Variants in RBFOX1 observed in about 807,000 individuals in gnomAD.
RBFOX1 encodes RNA binding protein fox-1 homolog 1.
A neutral mutation model predicts 57.7 loss-of-function variants in RBFOX1; 8 were observed. The observed-to-expected ratio is 0.14, with a 90% CI of 0.08 to 0.25. The LOEUF is 0.25. Ranked by LOEUF, RBFOX1 falls within the 10% of genes least tolerant of loss-of-function variation. The pLI is 1.00. For missense variants in RBFOX1, 611 were observed against 548.5 expected, an observed-to-expected ratio of 1.11 and a Z score of -1.14; for synonymous variants, 326 against 222.4, an observed-to-expected ratio of 1.47 and a Z score of -4.15.
At chr16:7,634,244 T>C (rs935912769) in intron 11 of RBFOX1, among the ~76,000 whole-genome samples, 2 of 152,222 alleles carry the variant, frequency 1.3e-5, no homozygotes, top group Non-Finnish European at 2.9e-5. Flanking sequence ...TTAACAGCTG[T>C]GCTCCTGAAG....
At chr16:6,885,443 C>T (rs563814207) in intron 3 of RBFOX1, among the ~76,000 whole-genome samples, 57 of 152,312 alleles carry the variant, frequency 3.7e-4, no homozygotes, top group African/African-American at 1.3e-3. Context: ...TCTATAGTAC[C>T]TTTCAGTATT....
intron 4 of RBFOX1, among the ~76,000 whole-genome samples, chr16:7,387,736 C>A (rs1391529526): frequency 6.6e-6 from 1 of 152,308 alleles, no homozygotes; most frequent in East Asian, 1.9e-4. Context: ...CCTGCGTCAA[C>A]TCCAGGCCTC....
intron 2 of RBFOX1, among the ~76,000 whole-genome samples, chr16:6,567,150 T>G (rs555418085): frequency 2.6e-4 from 40 of 152,204 alleles, no homozygotes; most frequent in South Asian, 1.2e-3. Context: ...TTGGGGATAA[T>G]GTTGACCCAG....
chr16:5,772,084 A>G (rs1597188572), intron 3 of RBFOX1, among the ~76,000 whole-genome samples: 3 of 152,266 alleles, frequency 2.0e-5, no homozygotes, highest in African/African-American at 4.8e-5. Flanking sequence ...AGTCAGGAGA[A>G]TCACTTGAAC....
chr16:6,524,507 G>A (rs1453105766), intron 2 of RBFOX1, among the ~76,000 whole-genome samples: 1 of 152,114 alleles, frequency 6.6e-6, no homozygotes, highest in Non-Finnish European at 1.5e-5. Flanking sequence ...TAGACATCAA[G>A]TTCCTAGTAA....
chr16:7,102,212 G>A (rs147133734), intron 4 of RBFOX1, among the ~76,000 whole-genome samples: 29 of 152,268 alleles, frequency 1.9e-4, no homozygotes, highest in African/African-American at 5.3e-4. Context: ...CATTCCCTGA[G>A]GAAATTCGGG....
chr16:6,151,066 G>A (rs551231551), intron 1 of RBFOX1, among the ~76,000 whole-genome samples: 6 of 152,064 alleles, frequency 3.9e-5, no homozygotes, highest in Admixed American at 2.6e-4. Flanking sequence ...CTACTAGAAC[G>A]TCAGGTCTGA....
At chr16:7,578,943 G>A (rs1221751256) in intron 5 of RBFOX1, among the ~76,000 whole-genome samples, 1 of 152,152 alleles carries the variant, frequency 6.6e-6, no homozygotes, top group African/African-American at 2.4e-5. Context: ...TGGAAGACAG[G>A]GGAGGTGAAA....
At chr16:6,529,302 C>G (rs1200965809) in intron 2 of RBFOX1, among the ~76,000 whole-genome samples, 1 of 152,092 alleles carries the variant, frequency 6.6e-6, no homozygotes, top group Non-Finnish European at 1.5e-5. Context: ...GTGGCTCATG[C>G]CTGTAATCCC....
At chr16:6,478,123 G>A (rs1373802696) in intron 2 of RBFOX1, among the ~76,000 whole-genome samples, 1 of 151,692 alleles carries the variant, frequency 6.6e-6, no homozygotes, top group Admixed American at 6.6e-5. Context: ...TATTAGTAGT[G>A]TGTTCAAGGG....
intron 4 of RBFOX1, among the ~76,000 whole-genome samples, chr16:5,984,751 G>A (rs779486210): frequency 4.6e-5 from 7 of 151,914 alleles, no homozygotes; most frequent in African/African-American, 1.2e-4. Flanking sequence ...AGATGGTATA[G>A]CCTCCTGCCC....
intron 2 of RBFOX1, among the ~76,000 whole-genome samples, chr16:6,336,803 G>T (rs558763649): frequency 6.3e-4 from 96 of 152,262 alleles, no homozygotes; most frequent in African/African-American, 2.1e-3. Context: ...AGCTGCAGAA[G>T]GTCAGAGAAG....
chr16:5,550,391 T>C (rs2045414301), intron 2 of RBFOX1, among the ~76,000 whole-genome samples: 1 of 152,108 alleles, frequency 6.6e-6, no homozygotes, highest in Non-Finnish European at 1.5e-5. Flanking sequence ...TTCAGGGCTG[T>C]CGTGAGCCAC....
At chr16:6,138,255 C>G (rs995796704) in intron 1 of RBFOX1, among the ~76,000 whole-genome samples, 5 of 152,228 alleles carry the variant, frequency 3.3e-5, no homozygotes, top group African/African-American at 9.6e-5. Flanking sequence ...TGTTGCCTTT[C>G]TGGCAACTCT....
intron 3 of RBFOX1, among the ~76,000 whole-genome samples, chr16:6,903,554 T>C (rs574244478): frequency 6.6e-6 from 1 of 152,164 alleles, no homozygotes; most frequent in South Asian, 2.1e-4. Context: ...TCGGAGTGAG[T>C]TCCAGAAAGG....
At chr16:7,069,438 G>C (rs1171402632) in intron 4 of RBFOX1, among the ~76,000 whole-genome samples, 1 of 152,148 alleles carries the variant, frequency 6.6e-6, no homozygotes, top group Non-Finnish European at 1.5e-5. Context: ...ACAAGTGAGA[G>C]CATGCGGTGT....
At position 7,476,373 on chromosome 16, in the gene RBFOX1, T is replaced by A. The variant is rs74830333; in HGVS notation, c.28-41774T>A. On this transcript the variant is annotated intron_variant, in intron 4 of 15. Transcript: ENST00000550418. ...TTGTCTTCAGATCCTCCATCTGGAATACGTGAAGATTTAATGAGATGATAT... is the reference window on the plus strand; with the variant it reads ...TTGTCTTCAGATCCTCCATCTGGAAAACGTGAAGATTTAATGAGATGATAT... Among the ~76,000 whole-genome samples the A allele has an allele frequency of 2.1e-4, 32 of 152,370 alleles. No homozygotes were observed. The East Asian group carries it at 5.4e-3, about 26-fold the overall frequency.
chr16:6,843,023 A>G (rs906112827), intron 3 of RBFOX1, among the ~76,000 whole-genome samples: 1 of 152,078 alleles, frequency 6.6e-6, no homozygotes, highest in African/African-American at 2.4e-5. Context: ...ATGGCTGCCT[A>G]GTATTCCATG....
In RBFOX1 at chr16:7,113,219, C is replaced by T. The variant is rs1018103005; in HGVS notation, c.27+61121C>T. On this transcript the variant is annotated intron_variant, in intron 4 of 15. Transcript: ENST00000550418. Reference sequence around the variant, plus strand: ...GCTTTCTGAGGAGACCTGGAGTCTGCATATTCTGTGGAGTTGATTTGAATG... The same window carrying T: ...GCTTTCTGAGGAGACCTGGAGTCTGTATATTCTGTGGAGTTGATTTGAATG... Among the ~76,000 whole-genome samples the T allele has an allele frequency of 2.6e-5, 4 of 152,114 alleles. No homozygotes were observed. The East Asian group carries it at 7.7e-4, about 29-fold the overall frequency.
Sources: allele counts gnomAD v4.1 joint callset (sites outside exome capture counted in the v4.1 genomes callset), GRCh38; gene constraint gnomAD v4.1.1; transcripts MANE v1.5; gene names NCBI Gene and HGNC (gene_info 2026-07-23, HGNC 2026-07-21).